Variants in COL4A1 observed in about 807,000 individuals in gnomAD.
COL4A1 encodes the protein collagen type IV alpha 1 chain, also known as collagen alpha-1(IV) chain.
COL4A1 carries 40 observed loss-of-function variants against 216.6 expected under a neutral mutation model. That is an observed-to-expected ratio of 0.18 (90% CI 0.14 to 0.24). COL4A1 has a LOEUF of 0.24. Among genes scored for constraint, COL4A1 ranks in the 10% least tolerant of loss-of-function variants. COL4A1 has a pLI of 1.00. For synonymous variants in COL4A1, 839 were observed against 810.7 expected, an observed-to-expected ratio of 1.03 and a Z score of -0.59; for missense variants, 1,628 against 2,196.8, an observed-to-expected ratio of 0.74 and a Z score of 5.18.
At position 110,269,973 on chromosome 13, in the gene COL4A1, G is replaced by T. The variant is rs1247295011; in HGVS notation, c.85-27239C>A. Among the ~76,000 whole-genome samples the T allele has an allele frequency of 2.0e-5, 3 of 152,120 alleles. No individual in the cohort carries two copies. The East Asian group carries it at 5.8e-4, about 29-fold the overall frequency. On this transcript the variant is annotated intron_variant, in intron 1 of 51. Coordinates refer to ENST00000375820, the MANE Select transcript of COL4A1 (RefSeq NM_001845.6). ...CGAAATGGCTGTGACCTGATTTAGG[G>T]AGATGCCAGAATGAAACCAGATCTG...
intron 10 of COL4A1, 131 bp from the exon 11 acceptor site, chr13:110,209,558 C>A (rs1314802005): frequency 4.0e-6 from 3 of 750,322 alleles, no homozygotes; most frequent in African/African-American, 1.8e-5. Context: ...TTTTCCTGGG[C>A]TTCCCCTCCC....
chr13:110,210,009 C>T lies in COL4A1; in HGVS notation c.586G>A (p.Val196Ile). Residue 196 changes from valine to isoleucine, a missense_variant, in exon 10 of 52, where the codon GTT becomes ATT. Physicochemically the swap from Val to Ile is conservative, Grantham distance 29. Coordinates refer to ENST00000375820, the MANE Select transcript of COL4A1 (RefSeq NM_001845.6). Reference protein sequence around the residue: ...PPGLPGLQGPVGPPGFTGPPG... With the variant: ...PPGLPGLQGPIGPPGFTGPPG... ...GGTCCGGTAAATCCTGGAGGCCCAA[C>T]AGGACCTTGAAGCCCTGGCAGTCCT... 1 of 1,614,196 alleles carries T rather than the reference C, an allele frequency of 6.2e-7. No individual in the cohort carries two copies. Among genetic ancestry groups the T allele is most frequent in the Non-Finnish European group, 8.5e-7 (1 of 1,180,030 alleles).
chr13:110,153,703 C>T (rs1251005049), intron 50 of COL4A1, among the ~76,000 whole-genome samples: 1 of 152,222 alleles, frequency 6.6e-6, no homozygotes, highest in Non-Finnish European at 1.5e-5. Flanking sequence ...ACCTGTTAAT[C>T]TGGTGGTTGC....
Position 110,287,841 on chromosome 13 carries a change from A to G in COL4A1, c.84+19103T>C, listed in dbSNP as rs185493954. ...CAATACCTGCAGCACAGGAAGCACA[A>G]ACTATTTTCAGACTCAGAAGAGAGC... On this transcript the variant is annotated intron_variant, in intron 1 of 51. Coordinates refer to ENST00000375820, the MANE Select transcript of COL4A1 (RefSeq NM_001845.6). 1.1e-3 allele frequency among the ~76,000 whole-genome samples: 166 copies of G among 152,368 alleles called. 3 individuals carry two copies. The highest frequency in any genetic ancestry group is 9.5e-3 in the Admixed American group (146 of 15,302).
chr13:110,230,405 C>T (rs506151), intron 2 of COL4A1, among the ~76,000 whole-genome samples: 10,367 of 152,042 alleles, frequency 0.068, 439 homozygotes, highest in African/African-American at 0.095. Context: ...CATCAGGGCT[C>T]GTCGTGACAC....
intron 24 of COL4A1, chr13:110,190,838 T>G (rs1360307656): frequency 1.3e-5 from 2 of 152,214 alleles, no homozygotes; most frequent in Non-Finnish European, 2.9e-5. Context: ...ATTGGGGTTG[T>G]ATGTTTTCTT....
rs1246721258 is a variant in COL4A1, at chr13:110,195,074, G to A, written c.1330C>T (p.Pro444Ser). Residue 444 changes from proline (P) to serine (S), a missense_variant, in exon 22 of 52, where the codon CCT (proline) becomes TCT (serine). Physicochemically the swap from Pro to Ser is moderately conservative, Grantham distance 74. Coordinates refer to ENST00000375820, the MANE Select transcript of COL4A1 (RefSeq NM_001845.6). The stretch of plus-strand genomic sequence containing the variant: ...CCTGGCTGCCCTGGAATTCCAGGAG[G>A]ACCCTGGTCACCTGGAGGTCCGGGC... ...CQPGPPGDQGPPGIPGQPGFI... is the reference protein window; with the variant it reads ...CQPGPPGDQGSPGIPGQPGFI... The A allele has an allele frequency of 3.1e-6, 5 of 1,614,144 alleles. No homozygotes were observed. The highest frequency in any genetic ancestry group is 4.2e-6 in the Non-Finnish European group (5 of 1,180,026).
chr13:110,272,488 C>T (rs1037997731), intron 1 of COL4A1, among the ~76,000 whole-genome samples: 5 of 152,158 alleles, frequency 3.3e-5, no homozygotes, highest in African/African-American at 1.2e-4. Flanking sequence ...GCATGTAGCG[C>T]AGATCACCTG....
At chr13:110,246,715 A>G (rs906466886) in intron 1 of COL4A1, among the ~76,000 whole-genome samples, 1 of 152,176 alleles carries the variant, frequency 6.6e-6, no homozygotes, top group African/African-American at 2.4e-5. Flanking sequence ...GACCCTACAG[A>G]TAAGCTCCCA....
intron 2 of COL4A1, among the ~76,000 whole-genome samples, chr13:110,230,590 C>G (rs1362953776): frequency 2.0e-5 from 3 of 152,122 alleles, no homozygotes; most frequent in African/African-American, 4.8e-5. Flanking sequence ...GGGAGCCTCC[C>G]CAGCCTCCTG....
chr13:110,169,669 A>T lies in COL4A1; in HGVS notation c.3836T>A (p.Val1279Asp). ...TCCAGGGTCTCCCTTGGGCCCTGGG[A>T]CACCGGGTGCTCCTGGCCAGCCTGG... ...GNPGWPGAPG[V>D]PGPKGDPGFQ... is the part of the protein sequence containing the mutation. Residue 1279 changes from valine to aspartate, a missense_variant, in exon 43 of 52, where the codon GTC becomes GAC. Physicochemically the swap from Val to Asp is radical, Grantham distance 152. Coordinates refer to ENST00000375820, the MANE Select transcript of COL4A1 (RefSeq NM_001845.6). 6.2e-7 allele frequency: 1 copy of T among 1,614,128 alleles called. No individual in the cohort carries two copies. Among genetic ancestry groups the T allele is most frequent in the Non-Finnish European group, 8.5e-7 (1 of 1,180,030 alleles).
intron 18 of COL4A1, 72 bp from the exon 19 acceptor site, chr13:110,201,594 A>C: frequency 2.4e-6 from 3 of 1,241,510 alleles, no homozygotes; most frequent in Non-Finnish European, 3.6e-6. Context: ...AAGCAGTATG[A>C]GTGAAGAAAT....
chr13:110,192,289 C>T lies in COL4A1; in HGVS notation c.1466-5G>A, dbSNP rs774417096. The T allele has an allele frequency of 5.1e-5, 83 of 1,613,920 alleles. No individual in the cohort carries two copies. The highest frequency in any genetic ancestry group is 3.1e-4 in the East Asian group (14 of 44,892). Reference sequence around the variant, plus strand: ...CCCCTGGCTGCCCTGGGAAACCTTTCGTGAGAGAGAGGGAAAAAGACAGCA... The same window carrying T: ...CCCCTGGCTGCCCTGGGAAACCTTTTGTGAGAGAGAGGGAAAAAGACAGCA... On this transcript the variant is annotated splice_polypyrimidine_tract_variant and splice_region_variant and intron_variant, in intron 23 of 51. Transcript: ENST00000375820.
At position 110,206,706 on chromosome 13, in the gene COL4A1, C is replaced by G; in HGVS notation, c.817G>C (p.Gly273Arg). The change falls in exon 15 of 52, where the codon GGG becomes CGG. Residue 273 changes from glycine (G) to arginine (R), a missense_variant. Transcript: ENST00000375820. ...KGEPGFQGMPGVGEKGEPGKP... is the reference protein window; with the variant it reads ...KGEPGFQGMPRVGEKGEPGKP... ...CCGGGTTCACCTTTCTCTCCGACCC[C>G]TGGCATCCCCTTAAAGGAATAAAAA... 4 of 1,614,184 alleles carry G rather than the reference C, an allele frequency of 2.5e-6. No individual in the cohort carries two copies. Among genetic ancestry groups the G allele is most frequent in the Non-Finnish European group, 3.4e-6 (4 of 1,180,018 alleles).
intron 2 of COL4A1, among the ~76,000 whole-genome samples, chr13:110,231,566 A>G (rs1462389927): frequency 6.6e-6 from 1 of 152,056 alleles, no homozygotes; most frequent in Non-Finnish European, 1.5e-5. Flanking sequence ...CAGAGTGTTC[A>G]CTTGGGGGTT....
chr13:110,185,764 G>A (rs956026623), intron 26 of COL4A1, among the ~76,000 whole-genome samples: 1 of 152,180 alleles, frequency 6.6e-6, no homozygotes, highest in Non-Finnish European at 1.5e-5. Context: ...GGAGAACGAC[G>A]AGGGAGCCCA....
At chr13:110,234,175 T>C (rs1392792695) in intron 2 of COL4A1, among the ~76,000 whole-genome samples, 1 of 152,218 alleles carries the variant, frequency 6.6e-6, no homozygotes, top group Non-Finnish European at 1.5e-5. Flanking sequence ...AGGGCATAAC[T>C]TGGTCAAAAC....
intron 1 of COL4A1, among the ~76,000 whole-genome samples, chr13:110,266,513 A>G (rs375813485): frequency 1.3e-5 from 2 of 152,180 alleles, no homozygotes; most frequent in Non-Finnish European, 2.9e-5. Flanking sequence ...ATCTAGCAAA[A>G]GAACAGCAGC....
intron 26 of COL4A1, among the ~76,000 whole-genome samples, chr13:110,185,100 G>C (rs1283407750): frequency 6.6e-6 from 1 of 152,184 alleles, no homozygotes; most frequent in East Asian, 1.9e-4. Flanking sequence ...TTGCTCCAAC[G>C]TGGTTATTGT....
Sources: gnomAD v4.1 joint callset for allele counts (sites outside exome capture counted in the v4.1 genomes callset) on GRCh38, gnomAD v4.1.1 for gene constraint, MANE v1.5 for transcripts, NCBI Gene and HGNC (gene_info 2026-07-23, HGNC 2026-07-21) for gene names.